FANCA: variants seen among roughly 807,000 people sequenced by gnomAD.
FANCA encodes the protein FA complementation group A.
Under a neutral mutation model 194.3 loss-of-function variants are expected in FANCA, and 236 were observed. The observed-to-expected ratio is 1.21, with a 90% confidence interval of 1.09 to 1.35. FANCA has a LOEUF of 1.35. Among genes scored for constraint, FANCA ranks in the 40% most tolerant of loss-of-function variants. The pLI is 0.00. For synonymous variants in FANCA, 1,014 were observed against 715.8 expected (o/e 1.42, Z -6.65); for missense variants, 2,628 against 1,813.9 (o/e 1.45, Z -8.15).
chr16:89,757,284 G>T (rs920646363), intron 30 of FANCA, among the ~76,000 whole-genome samples: 1 of 152,118 alleles, frequency 6.6e-6, no homozygotes, highest in African/African-American at 2.4e-5. Flanking sequence ...ACCTAAGAGT[G>T]GGATTTAAGG....
intron 14 of FANCA, among the ~76,000 whole-genome samples, chr16:89,785,855 T>G (rs1275881826): frequency 1.1e-4 from 15 of 141,034 alleles, no homozygotes; most frequent in South Asian, 7.2e-4. Flanking sequence ...AAAATTGTGT[T>G]TTGTTTTTTT....
At chr16:89,788,315 GC>G (rs2039962214) in intron 14 of FANCA, among the ~76,000 whole-genome samples, 1 of 152,046 alleles carries the variant, frequency 6.6e-6, no homozygotes, top group Non-Finnish European at 1.5e-5. Flanking sequence ...ACAAAAATTA[GC>G]CAGGTGTGGT....
At chr16:89,769,682 A>T (rs985610913) in intron 26 of FANCA, 155 bp downstream of exon 26, 12 of 791,704 alleles carry the variant, frequency 1.5e-5, no homozygotes, top group Admixed American at 6.2e-5. Context: ...AACAAATGAC[A>T]GATAAAATTC....
rs773381553 is a variant in FANCA, at chr16:89,761,992, G to A, written c.2809C>T (p.Leu937=). 3 of 1,613,910 alleles carry A rather than the reference G, an allele frequency of 1.9e-6. No individual in the cohort carries two copies. Among genetic ancestry groups the A allele is most frequent in the Admixed American group, 1.7e-5 (1 of 59,990 alleles). ...LTYQDWLHLE[L]EIQPEADALS... ...GCATCAGCTTCAGGTTGAATTTCCA[G>A]CTCCAGGTGTAACCAGTCTTGGTAA... is the stretch of plus-strand genomic sequence containing the variant. Residue 937 remains leucine (L), a synonymous_variant, in exon 29 of 43, where the codon CTG becomes TTG. Transcript: ENST00000389301.
At chr16:89,814,103 A>G (rs371065122) in intron 3 of FANCA, among the ~76,000 whole-genome samples, 2 of 152,210 alleles carry the variant, frequency 1.3e-5, no homozygotes, top group Non-Finnish European at 2.9e-5. Flanking sequence ...ATCAGAAAAT[A>G]ACTTACTGTT....
In FANCA at chr16:89,794,616, G is replaced by A. The variant is rs115227806; in HGVS notation, c.1006+1290C>T. Among the ~76,000 whole-genome samples the A allele has an allele frequency of 5.4e-3, 828 of 152,282 alleles. 6 individuals carry two copies. The highest frequency in any genetic ancestry group is 0.019 in the African/African-American group (799 of 41,556). ...GGGGATGCTGTTCAAAGGAAGCTCA[G>A]CTCAGTCAAGTGATGATAAACTCCT... On this transcript the variant is annotated intron_variant, in intron 11 of 42. Transcript: ENST00000389301.
intron 35 of FANCA, among the ~76,000 whole-genome samples, chr16:89,745,333 C>G (rs113356808): frequency 5.9e-5 from 9 of 152,198 alleles, no homozygotes; most frequent in Non-Finnish European, 1.0e-4. Flanking sequence ...AGGGACCACA[C>G]TCCCCTGAGC....
At chr16:89,741,481 C>T (rs2062132573) in intron 37 of FANCA, among the ~76,000 whole-genome samples, 1 of 152,226 alleles carries the variant, frequency 6.6e-6, no homozygotes, top group Admixed American at 6.5e-5. Context: ...GGATCTCGGG[C>T]TGGGCACAGA....
intron 30 of FANCA, among the ~76,000 whole-genome samples, chr16:89,755,531 G>T (rs1434813113): frequency 6.6e-6 from 1 of 152,126 alleles, no homozygotes; most frequent in Non-Finnish European, 1.5e-5. Context: ...CCATCAAAAT[G>T]AATCAAAATC....
chr16:89,747,003 C>T (rs987081001), intron 33 of FANCA, 113 bp from the exon 34 acceptor site: 33 of 1,036,988 alleles, frequency 3.2e-5, no homozygotes, highest in Admixed American at 1.2e-4. Flanking sequence ...TAAGGCTTGG[C>T]GTGGCCACCA....
intron 14 of FANCA, among the ~76,000 whole-genome samples, chr16:89,788,443 A>G (rs1185164132): frequency 2.0e-5 from 3 of 152,088 alleles, no homozygotes; most frequent in Non-Finnish European, 4.4e-5. Flanking sequence ...CTCAAAAACA[A>G]AACAAAACAT....
intron 30 of FANCA, among the ~76,000 whole-genome samples, chr16:89,753,066 T>G (rs1170909011): frequency 2.0e-5 from 3 of 152,224 alleles, no homozygotes; most frequent in Non-Finnish European, 4.4e-5. Context: ...TGGCTCTGCC[T>G]TCCAGATAGC....
chr16:89,771,949 C>A, intron 22 of FANCA, 135 bp from the exon 23 acceptor site: 1 of 1,049,544 alleles, frequency 9.5e-7, no homozygotes, highest in East Asian at 2.5e-5. Context: ...CAGCCAGGTG[C>A]TGAACACCAG....
intron 37 of FANCA, 129 bp downstream of exon 37, chr16:89,742,671 A>C: frequency 2.4e-6 from 2 of 841,056 alleles, no homozygotes; most frequent in Non-Finnish European, 3.4e-6. Flanking sequence ...AAAAAAAAAA[A>C]AAAAAGTCTT....
intron 29 of FANCA, 107 bp downstream of exon 29, chr16:89,761,842 C>A: frequency 4.4e-6 from 4 of 899,252 alleles, no homozygotes; most frequent in Non-Finnish European, 7.5e-6. Flanking sequence ...CCCAGGCTGA[C>A]CTCAAACTCC....
At chr16:89,769,794 CGA>C in intron 26 of FANCA, 41 bp downstream of exon 26, 1 of 1,604,312 alleles carries the variant, frequency 6.2e-7, no homozygotes, top group African/African-American at 1.3e-5. Context: ...TGTCACTTTT[CGA>C]GAGAGAGGAG....
In FANCA at chr16:89,737,676, T is replaced by C; in HGVS notation, c.*925A>G. ...AACGAGGCCCTCATAGGCCCCTTGC[T>C]TGGGCCCACTGCATGGTGAACCATG... On this transcript the variant is annotated 3_prime_UTR_variant, in exon 43 of 43. Transcript: ENST00000389301. The C allele has an allele frequency of 2.6e-6, 4 of 1,527,212 alleles. No individual in the cohort carries two copies. Among genetic ancestry groups the C allele is most frequent in the Non-Finnish European group, 3.5e-6 (4 of 1,136,400 alleles). 94.6% of individuals were successfully genotyped at this position (1,527,212 alleles called of 1,614,324 possible).
intron 29 of FANCA, among the ~76,000 whole-genome samples, chr16:89,760,699 G>C (rs540447296): frequency 6.6e-6 from 1 of 152,206 alleles, no homozygotes; most frequent in East Asian, 1.9e-4. Context: ...GGACTCATGG[G>C]GGTTCACTGC....
At chr16:89,772,628 C>T (rs1293282289) in intron 22 of FANCA, among the ~76,000 whole-genome samples, 2 of 152,112 alleles carry the variant, frequency 1.3e-5, no homozygotes, top group East Asian at 3.9e-4. Context: ...ACCAGCCTGG[C>T]CAACATGGTG....
Sources: allele counts gnomAD v4.1 joint callset (sites outside exome capture counted in the v4.1 genomes callset), GRCh38; gene constraint gnomAD v4.1.1; transcripts MANE v1.5; gene names NCBI Gene and HGNC (gene_info 2026-07-23, HGNC 2026-07-21).